The following NPIPB2 variants were observed in gnomAD, a reference collection of about 807,000 sequenced individuals.
NPIPB2 encodes the protein nuclear pore complex-interacting protein family member B2.
A neutral mutation model predicts 30.8 loss-of-function variants in NPIPB2; 27 were observed. That is an observed-to-expected ratio of 0.88 (90% CI 0.65 to 1.21). The LOEUF is 1.21. Among genes scored for constraint, NPIPB2 ranks in the 50% most tolerant of loss-of-function variants. The pLI is 0.00. For missense variants in NPIPB2, 440 were observed against 446.2 expected (o/e 0.99, Z 0.13); for synonymous variants, 147 against 162.0 (o/e 0.91, Z 0.70).
intron 1 of NPIPB2, among the ~76,000 whole-genome samples, chr16:11,953,706 ACTTT>A (rs2055087306): frequency 5.8e-5 from 6 of 103,430 alleles, no homozygotes; most frequent in Non-Finnish European, 9.6e-5. Context: ...CCTTTTATTT[ACTTT>A]AATTTTTTTT....
intron 1 of NPIPB2, among the ~76,000 whole-genome samples, chr16:11,972,986 T>C (rs2055245027): frequency 6.6e-6 from 1 of 151,056 alleles, no homozygotes. Context: ...CACGGAGAAA[T>C]CCTAACTCTA....
intron 1 of NPIPB2, among the ~76,000 whole-genome samples, chr16:11,956,663 G>A (rs2055115319): frequency 6.6e-6 from 1 of 152,184 alleles, no homozygotes; most frequent in African/African-American, 2.4e-5. Flanking sequence ...GGAACACAGT[G>A]AGACTCTGTC....
chr16:11,938,180 G>A (rs1207267224), intron 1 of NPIPB2, among the ~76,000 whole-genome samples: 2 of 151,834 alleles, frequency 1.3e-5, no homozygotes, highest in African/African-American at 4.8e-5. Flanking sequence ...CACCATGCCC[G>A]ACTAATTTTT....
chr16:11,973,498 T>G (rs1351660984), intron 1 of NPIPB2, among the ~76,000 whole-genome samples: 1 of 152,224 alleles, frequency 6.6e-6, no homozygotes, highest in Non-Finnish European at 1.5e-5. Context: ...CAAGTTTTAC[T>G]GACTTGTACC....
At chr16:11,943,967 C>T (rs537520468), upstream of NPIPB2, among the ~76,000 whole-genome samples, 6 of 107,162 alleles carry the variant, frequency 5.6e-5, no homozygotes, top group Non-Finnish European at 1.0e-4. Context: ...CACTGCACTC[C>T]AGCCTGGGTG....
At chr16:11,965,100 C>T (rs1445280931) in intron 1 of NPIPB2, 2 of 572,708 alleles carry the variant, frequency 3.5e-6, no homozygotes, top group African/African-American at 3.7e-5. Context: ...TGTCTCTTAC[C>T]CCATCCAAGA....
chr16:11,944,733 CAAAAAAAAAAA>C (rs56283093), upstream of NPIPB2, among the ~76,000 whole-genome samples: 9 of 46,130 alleles, frequency 2.0e-4, no homozygotes, highest in Non-Finnish European at 3.0e-4. Context: ...GACTCCGTGT[CAAAAAAAAAAA>C]AAAAAAAAAA....
chr16:11,933,542 C>T (rs1421903402), exon 4 of NPIPB2: 5 of 1,596,932 alleles, frequency 3.1e-6, no homozygotes, highest in African/African-American at 2.7e-5. Flanking sequence ...TTCCTCTTTC[C>T]ATTGATTTTG....
chr16:11,936,323 AAAAG>A (rs1333517516), intron 2 of NPIPB2, among the ~76,000 whole-genome samples: 1 of 152,052 alleles, frequency 6.6e-6, no homozygotes, highest in East Asian at 1.9e-4. Context: ...AAAGAAAAAA[AAAAG>A]AAAAAAGCTT....
In NPIPB2 at chr16:11,961,510, T is replaced by G. The variant is rs182592199; in HGVS notation, c.-584+15058A>C. On this transcript the variant is annotated intron_variant, in intron 1 of 5. Transcript: ENST00000538896. The stretch of plus-strand genomic sequence containing the variant: ...AAATACAAAAAGAGGCCAGGCGCAG[T>G]GGCTCACGCCTATAATCCTAGCACT... Among the ~76,000 whole-genome samples, 1,417 of 152,330 alleles carry G rather than the reference T, an allele frequency of 9.3e-3. 17 individuals are homozygous for G. The highest frequency in any genetic ancestry group is 0.025 in the South Asian group (123 of 4,824).
chr16:11,968,961 G>A (rs1249356664), intron 1 of NPIPB2, among the ~76,000 whole-genome samples: 2 of 151,546 alleles, frequency 1.3e-5, no homozygotes, highest in Non-Finnish European at 2.9e-5. Flanking sequence ...CCACCTCTCA[G>A]GTTCAAGCGA....
intron 1 of NPIPB2, chr16:11,967,825 A>G (rs767044556): frequency 6.2e-7 from 1 of 1,613,994 alleles, no homozygotes; most frequent in Non-Finnish European, 8.5e-7. Flanking sequence ...ACGGAGATAG[A>G]GAAATCAATT....
At chr16:11,970,550 T>A (rs998210838) in intron 1 of NPIPB2, among the ~76,000 whole-genome samples, 11 of 152,010 alleles carry the variant, frequency 7.2e-5, no homozygotes, top group Non-Finnish European at 5.9e-5. Flanking sequence ...TTTTCTTTCT[T>A]TTGAGACACA....
At chr16:11,967,562 A>C (rs191777818) in intron 1 of NPIPB2, 1 of 1,607,202 alleles carries the variant, frequency 6.2e-7, no homozygotes, top group East Asian at 2.2e-5. Flanking sequence ...CCGTTTCTAC[A>C]TAATTAGGAT....
At chr16:11,932,386 C>A (rs932847448) in intron 4 of NPIPB2, among the ~76,000 whole-genome samples, 2 of 149,254 alleles carry the variant, frequency 1.3e-5, no homozygotes, top group African/African-American at 4.9e-5. Context: ...AGGCTGGGTG[C>A]GGTGGCTCAC....
chr16:11,963,343 G>A (rs1193486068), intron 1 of NPIPB2, among the ~76,000 whole-genome samples: 1 of 147,992 alleles, frequency 6.8e-6, no homozygotes, highest in Non-Finnish European at 1.5e-5. Flanking sequence ...TCGCGCCATT[G>A]CACTCCAGCC....
intron 1 of NPIPB2, 117 bp from the exon 2 acceptor site, chr16:11,937,785 A>G: frequency 3.5e-6 from 5 of 1,429,288 alleles, no homozygotes; most frequent in Non-Finnish European, 4.7e-6. Context: ...CATCCCTCAG[A>G]TATCACCGTG....
At chr16:11,937,340 A>G (rs2054881424) in intron 2 of NPIPB2, among the ~76,000 whole-genome samples, 200 bp downstream of exon 2, 2 of 152,248 alleles carry the variant, frequency 1.3e-5, no homozygotes, top group South Asian at 4.1e-4. Flanking sequence ...TTGACATTCT[A>G]TTAAACAAAC....
chr16:11,958,042 A>G (rs1336228265), intron 1 of NPIPB2, among the ~76,000 whole-genome samples: 1 of 152,156 alleles, frequency 6.6e-6, no homozygotes, highest in Non-Finnish European at 1.5e-5. Flanking sequence ...ATAACCTGAC[A>G]CAAATCCAAA....
Sources: gnomAD v4.1 joint callset for allele counts (sites outside exome capture counted in the v4.1 genomes callset) on GRCh38, gnomAD v4.1.1 for gene constraint, MANE v1.5 for transcripts, NCBI Gene and HGNC (gene_info 2026-07-23, HGNC 2026-07-21) for gene names.